The following BCO1 variants were observed in gnomAD, a reference collection of about 807,000 sequenced individuals.
BCO1 encodes the protein beta,beta-carotene 15,15'-dioxygenase.
BCO1 carries 54 observed loss-of-function variants against 56.3 expected under a neutral mutation model. That is an observed-to-expected ratio of 0.96 (90% CI 0.77 to 1.20). The LOEUF is 1.20. Ranked by LOEUF, BCO1 falls within the 50% of genes most tolerant of loss-of-function variation. The pLI is 0.00. For synonymous variants in BCO1, 318 were observed against 266.1 expected (o/e 1.20, Z -1.90); for missense variants, 801 against 690.9 (o/e 1.16, Z -1.79).
At chr16:81,282,414 C>T (rs962898375) in intron 8 of BCO1, among the ~76,000 whole-genome samples, 2 of 152,054 alleles carry the variant, frequency 1.3e-5, no homozygotes, top group African/African-American at 2.4e-5. Context: ...AAACAAAAAA[C>T]CCTGAGAGCC....
intron 9 of BCO1, among the ~76,000 whole-genome samples, chr16:81,286,477 T>C (rs1470252212): frequency 6.6e-6 from 1 of 152,180 alleles, no homozygotes; most frequent in Non-Finnish European, 1.5e-5. Context: ...AAAGGGGTTG[T>C]ATTGTACTTT....
chr16:81,261,895 C>T (rs1906505766), intron 3 of BCO1: 1 of 418,598 alleles, frequency 2.4e-6, no homozygotes, highest in Admixed American at 3.4e-5. Flanking sequence ...GCGCCTGCCA[C>T]CACGCCCGGC....
At chr16:81,285,051 G>T (rs1221344052) in intron 8 of BCO1, among the ~76,000 whole-genome samples, 2 of 151,736 alleles carry the variant, frequency 1.3e-5, no homozygotes, top group African/African-American at 4.8e-5. Flanking sequence ...TGTTGGCCAG[G>T]CTGGTCTCAA....
intron 2 of BCO1, among the ~76,000 whole-genome samples, chr16:81,246,819 C>G (rs982160079): frequency 7.0e-6 from 1 of 142,644 alleles, no homozygotes; most frequent in African/African-American, 2.6e-5. Flanking sequence ...CCACTGCACT[C>G]CAGCCTGGGA....
At chr16:81,284,844 T>C (rs576898769) in intron 8 of BCO1, among the ~76,000 whole-genome samples, 96 of 150,786 alleles carry the variant, frequency 6.4e-4, no homozygotes, top group African/African-American at 2.1e-3. Flanking sequence ...CTTTTCTTTT[T>C]TTTTTTTTTC....
chr16:81,242,573 T>G (rs1045332851), intron 1 of BCO1, among the ~76,000 whole-genome samples: 3 of 152,114 alleles, frequency 2.0e-5, no homozygotes, highest in African/African-American at 7.2e-5. Context: ...CAGTTCTGTG[T>G]GTTCCATCTA....
intron 7 of BCO1, among the ~76,000 whole-genome samples, chr16:81,271,081 T>C (rs368415878): frequency 6.6e-6 from 1 of 151,522 alleles, no homozygotes; most frequent in African/African-American, 2.4e-5. Context: ...TGAGATGTAA[T>C]TGACACAGCA....
chr16:81,281,016 A>C, intron 8 of BCO1, 54 bp downstream of exon 8: 1 of 1,293,014 alleles, frequency 7.7e-7, no homozygotes, highest in Admixed American at 1.8e-5. Flanking sequence ...TTTCACAGGG[A>C]GCCCAGAGGC....
intron 9 of BCO1, among the ~76,000 whole-genome samples, chr16:81,287,019 G>A (rs1406197217): frequency 6.6e-6 from 1 of 151,990 alleles, no homozygotes; most frequent in Non-Finnish European, 1.5e-5. Context: ...AGGTTGCAGT[G>A]AGCCAAGATC....
chr16:81,258,522 C>T (rs927812963), intron 2 of BCO1, among the ~76,000 whole-genome samples: 1 of 152,158 alleles, frequency 6.6e-6, no homozygotes, highest in Admixed American at 6.5e-5. Flanking sequence ...TGAACGGGGC[C>T]CTGGGGAAAA....
At chr16:81,270,030 C>A in intron 6 of BCO1, 129 bp from the exon 7 acceptor site, 1 of 1,196,400 alleles carries the variant, frequency 8.4e-7, no homozygotes, top group Non-Finnish European at 1.2e-6. Context: ...GGAGCACACA[C>A]AGAATGCAGA....
chr16:81,266,889 T>A (rs1479742110), intron 5 of BCO1, among the ~76,000 whole-genome samples: 2 of 152,126 alleles, frequency 1.3e-5, no homozygotes, highest in Non-Finnish European at 2.9e-5. Flanking sequence ...ACGATAACTA[T>A]CCCACAACCC....
chr16:81,251,521 CT>C (rs1172884797), intron 2 of BCO1, among the ~76,000 whole-genome samples: 1 of 152,006 alleles, frequency 6.6e-6, no homozygotes, highest in Non-Finnish European at 1.5e-5. Flanking sequence ...GATCACACCT[CT>C]GCACTCCATC....
At chr16:81,261,379 T>C (rs2151936524) in intron 3 of BCO1, among the ~76,000 whole-genome samples, 1 of 152,378 alleles carries the variant, frequency 6.6e-6, no homozygotes, top group Middle Eastern at 3.4e-3. Context: ...ATAATTAGTT[T>C]GTTTTCCTTT....
At position 81,242,192 on chromosome 16, in the gene BCO1, CTTTTTTTTTTT is replaced by C. The variant is rs796252592; in HGVS notation, c.64+3235_64+3245del. Reference sequence around the variant, plus strand: ...TGCCCAAGGCAAGAGACTTGGCTGTCTTTTTTTTTTTTTTTTTTTTTTTTTGAGGCGGAGTT... The same window carrying C: ...TGCCCAAGGCAAGAGACTTGGCTGTCTTTTTTTTTTTTTTGAGGCGGAGTT... On this transcript the variant is annotated intron_variant, in intron 1 of 10. Coordinates refer to ENST00000258168, the MANE Select transcript of BCO1 (RefSeq NM_017429.3). Among the ~76,000 whole-genome samples the C allele has an allele frequency of 1.4e-3, 110 of 78,760 alleles. 1 individual carries two copies. The highest frequency in any genetic ancestry group is 5.1e-3 in the African/African-American group (96 of 18,994). The allele number at this position is 78,760 out of a possible 152,430, so 51.7% of individuals were successfully genotyped here. A position where few individuals can be genotyped will look rare whatever the true frequency, so the allele number is the denominator to read the frequency against.
chr16:81,271,469 A>C (rs1907213040), intron 7 of BCO1, among the ~76,000 whole-genome samples: 1 of 152,148 alleles, frequency 6.6e-6, no homozygotes, highest in Non-Finnish European at 1.5e-5. Flanking sequence ...ACAGTTGTGC[A>C]TCCACCACCA....
At chr16:81,279,618 C>G (rs1185494564) in intron 7 of BCO1, among the ~76,000 whole-genome samples, 1 of 152,182 alleles carries the variant, frequency 6.6e-6, no homozygotes, top group Non-Finnish European at 1.5e-5. Flanking sequence ...TTAATATACA[C>G]ATAAGGAAAC....
At chr16:81,239,024 T>C (rs756502248) in intron 1 of BCO1, 52 bp downstream of exon 1, 1 of 1,494,008 alleles carries the variant, frequency 6.7e-7, no homozygotes, top group East Asian at 2.4e-5. Flanking sequence ...TTTATTATTT[T>C]TTTTTTTTTT....
At position 81,260,064 on chromosome 16, in the gene BCO1, G is replaced by A. The variant is rs77735950; in HGVS notation, c.323+259G>A. Reference sequence around the variant, plus strand: ...AATCATCTGTCAAAATTATAAATGCGTATTCCCTTCAGCCTAGAGATCTGC... The same window carrying A: ...AATCATCTGTCAAAATTATAAATGCATATTCCCTTCAGCCTAGAGATCTGC... On this transcript the variant is annotated intron_variant, in intron 3 of 10. Coordinates refer to ENST00000258168, the MANE Select transcript of BCO1 (RefSeq NM_017429.3). Among the ~76,000 whole-genome samples, 4,716 of 152,212 alleles carry A rather than the reference G, an allele frequency of 0.031. 217 individuals carry two copies. Among genetic ancestry groups the A allele is most frequent in the African/African-American group, 0.11 (4,435 of 41,512 alleles).
Sources: allele counts gnomAD v4.1 joint callset (sites outside exome capture counted in the v4.1 genomes callset), GRCh38; gene constraint gnomAD v4.1.1; transcripts MANE v1.5; gene names NCBI Gene and HGNC (gene_info 2026-07-23, HGNC 2026-07-21).